The following SLC8A3 variants were observed in gnomAD, a reference collection of about 807,000 sequenced individuals.
SLC8A3 encodes solute carrier family 8 member A3.
In SLC8A3, 37 loss-of-function variants were observed where a neutral mutation model predicts 65.4. The ratio of observed to expected loss-of-function variants is 0.57; its 90% confidence interval spans 0.44 to 0.74. SLC8A3 has a LOEUF of 0.74. SLC8A3 is among the 30% of genes least tolerant of loss of function. The pLI, the probability that SLC8A3 is intolerant of heterozygous loss-of-function variation, is 0.00. For synonymous variants in SLC8A3, 461 were observed against 444.5 expected (o/e 1.04, Z -0.47); for missense variants, 1,112 against 1,172.1 (o/e 0.95, Z 0.75).
At chr14:70,138,089 G>A (rs1221952251) in intron 2 of SLC8A3, among the ~76,000 whole-genome samples, 1 of 152,160 alleles carries the variant, frequency 6.6e-6, no homozygotes, top group East Asian at 1.9e-4. Flanking sequence ...GCAGAGACGG[G>A]AGTGTCCCTG....
chr14:70,154,393 C>T (rs984409762), intron 2 of SLC8A3, among the ~76,000 whole-genome samples: 2 of 152,146 alleles, frequency 1.3e-5, no homozygotes, highest in African/African-American at 2.4e-5. Context: ...CCATTCGGAC[C>T]GTCAGTCTCA....
In SLC8A3 at chr14:70,059,410, T is replaced by C. The variant is rs534156542; in HGVS notation, c.1888+1426A>G. The C allele has an allele frequency of 1.1e-4, 16 of 152,326 alleles. No individual in the cohort carries two copies. The South Asian group carries it at 2.9e-3, about 28-fold the overall frequency. 9.4% of individuals were successfully genotyped at this position (152,326 alleles called of 1,614,324 possible). ...CAAACAGGTGGATTTCACTGCTTCA[T>C]TTGCTAGGAGGCTCCCAGCAGCATA... On this transcript the variant is annotated intron_variant, in intron 3 of 6. Transcript: ENST00000356921.
chr14:70,053,524 C>T (rs1216281216), intron 3 of SLC8A3, among the ~76,000 whole-genome samples: 2 of 152,308 alleles, frequency 1.3e-5, no homozygotes, highest in African/African-American at 4.8e-5. Flanking sequence ...CAGTATTATT[C>T]CACTCCTTCC....
At chr14:70,145,715 G>T (rs141825108) in intron 2 of SLC8A3, among the ~76,000 whole-genome samples, 21 of 152,130 alleles carry the variant, frequency 1.4e-4, no homozygotes, top group Non-Finnish European at 2.2e-4. Context: ...TGAAAGAAAC[G>T]TATAAACTCA....
chr14:70,150,982 C>T (rs572237636), intron 2 of SLC8A3, among the ~76,000 whole-genome samples: 34 of 152,152 alleles, frequency 2.2e-4, no homozygotes, highest in Non-Finnish European at 2.5e-4. Context: ...TGGCCAGGCG[C>T]GGTAGCTCAT....
intron 2 of SLC8A3, among the ~76,000 whole-genome samples, chr14:70,072,891 G>A (rs569459464): frequency 9.9e-5 from 15 of 152,138 alleles, no homozygotes; most frequent in African/African-American, 3.1e-4. Context: ...CAGGTGATCC[G>A]CCTGCTTTGG....
chr14:70,046,563 G>A lies in SLC8A3; in HGVS notation c.2390-240C>T, dbSNP rs957848243. On this transcript the variant is annotated intron_variant, in intron 6 of 6. Coordinates refer to ENST00000356921, the MANE Select transcript of SLC8A3 (RefSeq NM_182932.3). The surrounding 1 kb of genome is among the most constrained non-coding windows in gnomAD (Gnocchi z 4.2). The stretch of plus-strand genomic sequence containing the variant: ...CTGCAGTGATCTGAAAGATTCTGAA[G>A]GGCTTTCCAGTTCTGATATTTACTG... The A allele has an allele frequency of 3.4e-5, 16 of 466,892 alleles. No homozygotes were observed. The Admixed American group carries it at 5.7e-4, about 17-fold the overall frequency. 28.9% of individuals were successfully genotyped at this position (466,892 alleles called of 1,614,324 possible). A position where few individuals can be genotyped will look rare whatever the true frequency, so the allele number is the denominator to read the frequency against.
At chr14:70,060,987 G>T in intron 2 of SLC8A3, 48 bp from the exon 3 acceptor site, 2 of 852,212 alleles carry the variant, frequency 2.3e-6, no homozygotes, top group Non-Finnish European at 3.8e-6. Context: ...TCGGTAGATT[G>T]GTTGGTCACC....
intron 2 of SLC8A3, among the ~76,000 whole-genome samples, chr14:70,071,844 T>A (rs1404791935): frequency 6.6e-6 from 1 of 152,230 alleles, no homozygotes; most frequent in Non-Finnish European, 1.5e-5. Flanking sequence ...CTGAGCTAAA[T>A]GATCTCTTGG....
chr14:70,074,949 AG>A (rs1178259108), intron 2 of SLC8A3, among the ~76,000 whole-genome samples: 2 of 152,284 alleles, frequency 1.3e-5, no homozygotes, highest in East Asian at 3.9e-4. Flanking sequence ...GAATGACAGT[AG>A]GAAGAGTCGA....
intron 2 of SLC8A3, among the ~76,000 whole-genome samples, chr14:70,135,700 G>C (rs1052893838): frequency 1.3e-5 from 2 of 151,712 alleles, no homozygotes; most frequent in East Asian, 3.9e-4. Context: ...AAAAAAAGTT[G>C]ATTTCATGGT....
chr14:70,046,305 G>C lies in SLC8A3; in HGVS notation c.2408C>G (p.Ala803Gly). ...TSVPDTFASKAAALQDVYADA... is the reference protein window; with the variant it reads ...TSVPDTFASKGAALQDVYADA... ...TGCATATACATCCTGGAGGGCAGCA[G>C]CTTTGCTGGCAAACGTATCTGGAAA... The change falls in exon 7 of 7, where the codon GCT becomes GGT. Residue 803 changes from alanine (A) to glycine (G), a missense_variant. Physicochemically the swap from Ala to Gly is moderately conservative, Grantham distance 60. Transcript: ENST00000356921. This position sits in a 1 kb window ranked among gnomAD's most constrained non-coding sequence, Gnocchi z 4.2. The C allele has an allele frequency of 6.2e-7, 1 of 1,607,344 alleles. No homozygotes were observed. Among genetic ancestry groups the C allele is most frequent in the East Asian group, 2.2e-5 (1 of 44,742 alleles).
At chr14:70,086,597 T>C (rs972906947) in intron 2 of SLC8A3, among the ~76,000 whole-genome samples, 2 of 151,932 alleles carry the variant, frequency 1.3e-5, no homozygotes, top group Non-Finnish European at 2.9e-5. Context: ...AGAGACGGAG[T>C]TTCGCCATGT....
At chr14:70,128,266 CAACTGCTGCAA>C (rs1894609732) in intron 2 of SLC8A3, among the ~76,000 whole-genome samples, 1 of 152,188 alleles carries the variant, frequency 6.6e-6, no homozygotes, top group East Asian at 1.9e-4. Flanking sequence ...TCAATGGACA[CAACTGCTGCAA>C]AACTAACTTT....
At chr14:70,116,605 G>A (rs1284276285) in intron 2 of SLC8A3, among the ~76,000 whole-genome samples, 5 of 152,244 alleles carry the variant, frequency 3.3e-5, no homozygotes, top group South Asian at 4.1e-4. Flanking sequence ...CGGCTGGAAG[G>A]TCAGAGGAAG....
intron 2 of SLC8A3, among the ~76,000 whole-genome samples, chr14:70,093,915 T>C (rs7140302): frequency 0.9 from 136,653 of 152,234 alleles, 61,517 homozygotes; most frequent in East Asian, 1. Flanking sequence ...TCAATGAACC[T>C]GACAGGCTGT....
In SLC8A3 at chr14:70,115,808, C is replaced by T. The variant is rs377010183; in HGVS notation, c.1784+50831G>A. ...GGCAAGTTACCAAATCTTTCTAGGC[C>T]TCAGAGCTGCAAAATGAAAGGGTCC... On this transcript the variant is annotated intron_variant, in intron 2 of 6. Transcript: ENST00000356921. 1.2e-4 allele frequency among the ~76,000 whole-genome samples: 18 copies of T among 152,262 alleles called. No individual in the cohort carries two copies. In the South Asian group the frequency reaches 3.7e-3, roughly 32 times the overall value.
rs1385909771 is a variant in SLC8A3 at position 70,126,570 on chromosome 14, T to TCTCACA, written c.1784+40068_1784+40069insTGTGAG. ...AATTCTCTCTCTCTCTCTCTCTCTC[T>TCTCACA]CACACACACACACACACACACACAC... is the stretch of plus-strand genomic sequence containing the variant. On this transcript the variant is annotated intron_variant, in intron 2 of 6. Coordinates refer to ENST00000356921, the MANE Select transcript of SLC8A3 (RefSeq NM_182932.3). 3.9e-3 allele frequency among the ~76,000 whole-genome samples: 459 copies of TCTCACA among 117,096 alleles called. 4 individuals carry two copies. The highest frequency in any genetic ancestry group is 0.013 in the African/African-American group (390 of 31,132). 76.8% of individuals were successfully genotyped at this position (117,096 alleles called of 152,430 possible).
intron 4 of SLC8A3, 109 bp from the exon 5 acceptor site, chr14:70,051,216 C>T: frequency 1.4e-6 from 1 of 734,778 alleles, no homozygotes; most frequent in Non-Finnish European, 2.4e-6. Context: ...GGTGTTCTGA[C>T]AGTTACGCAT....
Sources: allele counts gnomAD v4.1 joint callset (sites outside exome capture counted in the v4.1 genomes callset), GRCh38; gene constraint gnomAD v4.1.1; non-coding constraint Gnocchi (gnomAD v3.1); transcripts MANE v1.5; gene names NCBI Gene and HGNC (gene_info 2026-07-23, HGNC 2026-07-21).